TENT4A: variants seen among roughly 807,000 people sequenced by gnomAD.
TENT4A encodes the protein terminal nucleotidyltransferase 4A, also known as DNA polymerase kappa.
TENT4A carries 7 observed loss-of-function variants against 72.8 expected under a neutral mutation model. That is an observed-to-expected ratio of 0.10 (90% CI 0.05 to 0.18). The LOEUF is 0.18. TENT4A is among the 10% of genes least tolerant of loss of function. TENT4A has a pLI of 1.00. For synonymous variants in TENT4A, 456 were observed against 434.3 expected, an observed-to-expected ratio of 1.05 and a Z score of -0.62; for missense variants, 831 against 1,017.7, an observed-to-expected ratio of 0.82 and a Z score of 2.50.
chr5:6,733,048 C>T (rs1260651333), intron 1 of TENT4A, among the ~76,000 whole-genome samples: 1 of 152,222 alleles, frequency 6.6e-6, no homozygotes. Context: ...GGCGTTGTGT[C>T]CTTTGGCCCC....
chr5:6,717,219 C>G (rs1053131515), intron 1 of TENT4A, among the ~76,000 whole-genome samples: 1 of 152,240 alleles, frequency 6.6e-6, no homozygotes, highest in African/African-American at 2.4e-5. Flanking sequence ...AAAAGTCTTT[C>G]GGTTGTGGCT....
chr5:6,714,821 C>T (rs1326752367), intron 1 of TENT4A, 122 bp downstream of exon 1: 5 of 418,142 alleles, frequency 1.2e-5, no homozygotes, highest in Non-Finnish European at 7.5e-6. Context: ...AGGCTAAGGC[C>T]AAGGCCCGAC....
At chr5:6,743,004 A>G (rs1286252878) in intron 5 of TENT4A, among the ~76,000 whole-genome samples, 1 of 152,112 alleles carries the variant, frequency 6.6e-6, no homozygotes, top group Non-Finnish European at 1.5e-5. Flanking sequence ...GGTTGAGCTG[A>G]CATGTTTGGG....
At chr5:6,732,131 G>A (rs944923440) in intron 1 of TENT4A, among the ~76,000 whole-genome samples, 2 of 152,208 alleles carry the variant, frequency 1.3e-5, no homozygotes, top group Non-Finnish European at 2.9e-5. Flanking sequence ...GAGCCTTGGG[G>A]CTGAGATGGG....
intron 1 of TENT4A, among the ~76,000 whole-genome samples, chr5:6,722,840 A>AG (rs984563092): frequency 6.6e-6 from 1 of 152,174 alleles, no homozygotes; most frequent in Non-Finnish European, 1.5e-5. Context: ...GTAGGCAACT[A>AG]GAACAGCACT....
intron 3 of TENT4A, among the ~76,000 whole-genome samples, 194 bp from the exon 4 acceptor site, chr5:6,739,538 T>C (rs1357434677): frequency 6.6e-6 from 1 of 152,214 alleles, no homozygotes; most frequent in Non-Finnish European, 1.5e-5. Context: ...ATGGAAGTCT[T>C]CCCTTAAGTT....
intron 10 of TENT4A, 170 bp from the exon 11 acceptor site, chr5:6,750,869 A>C: frequency 1.6e-6 from 1 of 635,726 alleles, no homozygotes; most frequent in South Asian, 2.3e-5. Flanking sequence ...TGATGAAATT[A>C]CTTGAAGGAA....
chr5:6,725,117 C>G (rs935069369), intron 1 of TENT4A, among the ~76,000 whole-genome samples: 1 of 152,172 alleles, frequency 6.6e-6, no homozygotes, highest in African/African-American at 2.4e-5. Context: ...TTCAGGAGAT[C>G]GAGACCATCC....
Position 6,753,050 on chromosome 5 carries a change from C to A in TENT4A, c.2184+13C>A. ...TCTGTATCATAAGGTATAGCTCTGT[C>A]CTGGTGCATTCACCTACCTGTTCAA... On this transcript the variant is annotated intron_variant, in intron 12 of 12. Coordinates refer to ENST00000230859, the MANE Select transcript of TENT4A (RefSeq NM_006999.6). 1.3e-6 allele frequency: 2 copies of A among 1,597,200 alleles called. No homozygotes were observed. Among genetic ancestry groups the A allele is most frequent in the Non-Finnish European group, 1.7e-6 (2 of 1,166,826 alleles).
Position 6,732,849 on chromosome 5 carries a change from GC to G in TENT4A, c.717-4660del, listed in dbSNP as rs1186630445. 3.9e-5 allele frequency among the ~76,000 whole-genome samples: 6 copies of G among 152,282 alleles called. No individual in the cohort carries two copies. In the East Asian group the frequency reaches 1.2e-3, roughly 29 times the overall value. On this transcript the variant is annotated intron_variant, in intron 1 of 12. Coordinates refer to ENST00000230859, the MANE Select transcript of TENT4A (RefSeq NM_006999.6). ...GGAAGCTGACCCTGCTCTCTGTGGGGCTGGAGCCTTGCTAATGTCCCAGGAT... is the reference window on the plus strand; with the variant it reads ...GGAAGCTGACCCTGCTCTCTGTGGGGTGGAGCCTTGCTAATGTCCCAGGAT...
intron 7 of TENT4A, among the ~76,000 whole-genome samples, 161 bp downstream of exon 7, chr5:6,746,588 C>G (rs1392621183): frequency 6.6e-6 from 1 of 152,176 alleles, no homozygotes; most frequent in Non-Finnish European, 1.5e-5. Flanking sequence ...TTGAGAAATC[C>G]TTATTTAATG....
intron 1 of TENT4A, among the ~76,000 whole-genome samples, chr5:6,734,168 C>T (rs917368390): frequency 4.6e-5 from 7 of 152,226 alleles, no homozygotes; most frequent in African/African-American, 1.2e-4. Flanking sequence ...CAGAGTCATG[C>T]GGTTGCAGGG....
In TENT4A at chr5:6,755,638, GTCTTT is replaced by G. The variant is rs1742653149; in HGVS notation, c.*700_*704del. ...GAGGGGTTTGGGGTTTTATTTTGAT[GTCTTT>G]TCTTTTGGTCGGAAGTGAGTGAAGG... On this transcript the variant is annotated 3_prime_UTR_variant, in exon 13 of 13. Coordinates refer to ENST00000230859, the MANE Select transcript of TENT4A (RefSeq NM_006999.6). 1.3e-5 allele frequency: 2 copies of G among 152,484 alleles called. No homozygotes were observed. The highest frequency in any genetic ancestry group is 1.3e-4 in the Admixed American group (2 of 15,280). The allele number at this position is 152,484 out of a possible 1,614,324, so 9.4% of individuals were successfully genotyped here.
chr5:6,714,741 T>TGGTCCGGGCCGGCGCCCGC, intron 1 of TENT4A, 42 bp downstream of exon 1: 4 of 1,002,920 alleles, frequency 4.0e-6, no homozygotes, highest in Non-Finnish European at 3.8e-6. Flanking sequence ...GCGGGGCCCA[T>TGGTCCGGGCCGGCGCCCGC]GGTCCTGGCC....
At chr5:6,734,965 C>T (rs144958193) in intron 1 of TENT4A, among the ~76,000 whole-genome samples, 48 of 152,330 alleles carry the variant, frequency 3.2e-4, no homozygotes, top group Admixed American at 5.9e-4. Context: ...TGTTGAGCAT[C>T]TCTTGATAGT....
intron 11 of TENT4A, among the ~76,000 whole-genome samples, 178 bp from the exon 12 acceptor site, chr5:6,752,695 G>A (rs1164040664): frequency 6.6e-6 from 1 of 152,234 alleles, no homozygotes; most frequent in Non-Finnish European, 1.5e-5. Context: ...TTTAGAATAC[G>A]AAGTATTTCC....
chr5:6,738,740 G>A lies in TENT4A; in HGVS notation c.887+11G>A, dbSNP rs1304187496. The A allele has an allele frequency of 1.2e-6, 2 of 1,601,512 alleles. No homozygotes were observed. Among genetic ancestry groups the A allele is most frequent in the East Asian group, 4.5e-5 (2 of 44,834 alleles). On this transcript the variant is annotated intron_variant, in intron 3 of 12. Transcript: ENST00000230859. ...TTATCTTCCAACTAGGTGAGTACCAGACTGCATGGCATGGGCTAGTGGGGG... is the reference window on the plus strand; with the variant it reads ...TTATCTTCCAACTAGGTGAGTACCAAACTGCATGGCATGGGCTAGTGGGGG...
chr5:6,735,316 C>T (rs1741424643), intron 1 of TENT4A, among the ~76,000 whole-genome samples: 1 of 152,174 alleles, frequency 6.6e-6, no homozygotes, highest in African/African-American at 2.4e-5. Context: ...CAGTAGGCCA[C>T]ATGGTGTAGT....
intron 2 of TENT4A, among the ~76,000 whole-genome samples, 189 bp downstream of exon 2, chr5:6,737,822 C>T (rs1017786458): frequency 2.0e-5 from 3 of 152,060 alleles, no homozygotes; most frequent in African/African-American, 4.8e-5. Context: ...CCTGCACCTG[C>T]TGTCTTAGAC....
Sources: gnomAD v4.1 joint callset for allele counts (sites outside exome capture counted in the v4.1 genomes callset) on GRCh38, gnomAD v4.1.1 for gene constraint, MANE v1.5 for transcripts, NCBI Gene and HGNC (gene_info 2026-07-23, HGNC 2026-07-21) for gene names.